The following ALS2 variants were observed in gnomAD, a reference collection of about 807,000 sequenced individuals.
ALS2 encodes the protein alsin Rho guanine nucleotide exchange factor ALS2.
A neutral mutation model predicts 203.4 loss-of-function variants in ALS2; 117 were observed. That is an observed-to-expected ratio of 0.58 (90% CI 0.50 to 0.67). The LOEUF (loss-of-function observed/expected upper bound fraction) is 0.67, where lower values mean the gene tolerates loss of function less well. Ranked by LOEUF, ALS2 falls within the 30% of genes least tolerant of loss-of-function variation. ALS2 has a pLI of 0.00. For synonymous variants in ALS2, 718 were observed against 725.9 expected, an observed-to-expected ratio of 0.99 and a Z score of 0.17; for missense variants, 1,715 against 1,989.4, an observed-to-expected ratio of 0.86 and a Z score of 2.62.
rs2105998254 is a variant in ALS2 at position 201,723,116 on chromosome 2, T to C, written c.3629A>G (p.Asn1210Ser). Reference sequence around the variant, plus strand: ...ATCATCTTCGGAAAGCAAAACCCCATTTCCCTACAAGAAGAAACAAGAGAA... The same window carrying C: ...ATCATCTTCGGAAAGCAAAACCCCACTTCCCTACAAGAAGAAACAAGAGAA... ...GNFHLNKMMG[N>S]GVLLSEDDTI... Residue 1210 changes from asparagine (N) to serine (S), a missense_variant, in exon 23 of 34, where the codon AAT (asparagine) becomes AGT (serine). Coordinates refer to ENST00000264276, the MANE Select transcript of ALS2 (RefSeq NM_020919.4). 6.2e-7 allele frequency: 1 copy of C among 1,612,332 alleles called. No individual in the cohort carries two copies. The highest frequency in any genetic ancestry group is 2.2e-5 in the East Asian group (1 of 44,846).
chr2:201,722,902 C>T (rs904737998), intron 23 of ALS2, 141 bp downstream of exon 23: 12 of 663,072 alleles, frequency 1.8e-5, no homozygotes, highest in Non-Finnish European at 3.1e-5. Flanking sequence ...GTGGTTTGTA[C>T]AGCCATGTTG....
At position 201,701,718 on chromosome 2, in the gene ALS2, T is replaced by C; in HGVS notation, c.*133A>G. On this transcript the variant is annotated 3_prime_UTR_variant, in exon 34 of 34. Coordinates refer to ENST00000264276, the MANE Select transcript of ALS2 (RefSeq NM_020919.4). ...TCAGGGCTCTTATTATTGGTAAGGC[T>C]CATTCTAACAACCTAAATAACACAA... 2 of 834,120 alleles carry C rather than the reference T, an allele frequency of 2.4e-6. No individual in the cohort carries two copies. The highest frequency in any genetic ancestry group is 4.0e-6 in the Non-Finnish European group (2 of 496,452). The allele number at this position is 834,120 out of a possible 1,614,324, so 51.7% of individuals were successfully genotyped here.
At chr2:201,758,761 T>TGC (rs1491560741) in intron 4 of ALS2, among the ~76,000 whole-genome samples, 227 of 43,278 alleles carry the variant, frequency 5.2e-3, no homozygotes, top group African/African-American at 0.016. Context: ...TGTGTGCGCA[T>TGC]GTGTGTGTGT....
chr2:201,757,995 G>A (rs1386943920), intron 4 of ALS2, among the ~76,000 whole-genome samples: 1 of 152,106 alleles, frequency 6.6e-6, no homozygotes, highest in African/African-American at 2.4e-5. Context: ...TTGTCTAGAT[G>A]TTGTGTTTTT....
intron 23 of ALS2, chr2:201,720,171 TAC>T: frequency 7.3e-6 from 3 of 409,508 alleles, no homozygotes; most frequent in Non-Finnish European, 1.4e-5. Context: ...AAAAGAAAAC[TAC>T]AGACCATTAC....
chr2:201,721,128 G>T (rs1690768635), intron 23 of ALS2, among the ~76,000 whole-genome samples: 1 of 152,192 alleles, frequency 6.6e-6, no homozygotes, highest in African/African-American at 2.4e-5. Flanking sequence ...TGCAAGATGT[G>T]TACACTGAAA....
intron 27 of ALS2, among the ~76,000 whole-genome samples, chr2:201,709,169 C>A (rs914341036): frequency 1.3e-5 from 2 of 152,210 alleles, no homozygotes; most frequent in African/African-American, 4.8e-5. Flanking sequence ...AAGATGCTTA[C>A]TGTCTCATTT....
At chr2:201,774,318 A>G (rs75399348) in intron 1 of ALS2, among the ~76,000 whole-genome samples, 1,653 of 152,262 alleles carry the variant, frequency 0.011, 24 homozygotes, top group African/African-American at 0.035. Flanking sequence ...ATAAGAAGAA[A>G]GGTCTACGTT....
intron 13 of ALS2, among the ~76,000 whole-genome samples, chr2:201,730,832 G>A (rs2106017479): frequency 6.6e-6 from 1 of 152,374 alleles, no homozygotes; most frequent in South Asian, 2.1e-4. Context: ...GAAGAACGCA[G>A]TGACTACTAG....
chr2:201,729,939 A>G (rs963748259), intron 13 of ALS2, among the ~76,000 whole-genome samples: 2 of 150,782 alleles, frequency 1.3e-5, no homozygotes, highest in Admixed American at 6.6e-5. Context: ...AATGGTCCAC[A>G]TTTTTTCAAA....
intron 1 of ALS2, among the ~76,000 whole-genome samples, chr2:201,771,853 T>G (rs1694397193): frequency 6.6e-6 from 1 of 152,242 alleles, no homozygotes; most frequent in South Asian, 2.1e-4. Flanking sequence ...CTGCTGCTTT[T>G]CTTCTGTTAC....
At position 201,768,955 on chromosome 2, in the gene ALS2, A is replaced by G; in HGVS notation, c.-60-10T>C. On this transcript the variant is annotated splice_polypyrimidine_tract_variant and intron_variant, in intron 1 of 33. Coordinates refer to ENST00000264276, the MANE Select transcript of ALS2 (RefSeq NM_020919.4). ...GAAAGTCTATCAAGACCTAAACAGT[A>G]CAAGTAAGGAAAAGAGCAGTAAAAG... is the stretch of plus-strand genomic sequence containing the variant. 6.9e-7 allele frequency: 1 copy of G among 1,454,882 alleles called. No homozygotes were observed. The highest frequency in any genetic ancestry group is 1.2e-5 in the South Asian group (1 of 83,618). The allele number at this position is 1,454,882 out of a possible 1,614,324, so 90.1% of individuals were successfully genotyped here.
At chr2:201,773,348 G>C (rs766895015) in intron 1 of ALS2, among the ~76,000 whole-genome samples, 15 of 152,126 alleles carry the variant, frequency 9.9e-5, no homozygotes, top group Non-Finnish European at 1.9e-4. Flanking sequence ...TGCCAATTTG[G>C]TGAAGAAGAG....
chr2:201,725,290 C>T (rs1249584355), intron 20 of ALS2, 66 bp downstream of exon 20: 5 of 1,380,306 alleles, frequency 3.6e-6, no homozygotes, highest in Non-Finnish European at 5.2e-6. Context: ...TTTGGCTATG[C>T]AAACATTCAG....
intron 11 of ALS2, among the ~76,000 whole-genome samples, chr2:201,740,142 T>C (rs540817081): frequency 2.3e-4 from 35 of 151,986 alleles, no homozygotes; most frequent in East Asian, 5.8e-4. Context: ...CTGGGCAACA[T>C]AGTGAGACCC....
chr2:201,763,215 T>A (rs1693862752), intron 3 of ALS2: 1 of 196,752 alleles, frequency 5.1e-6, no homozygotes, highest in Non-Finnish European at 1.0e-5. Flanking sequence ...GGGAACAAGA[T>A]CAGCAAGCAC....
chr2:201,759,871 A>G, intron 4 of ALS2: 1 of 985,356 alleles, frequency 1.0e-6, no homozygotes, highest in Non-Finnish European at 1.2e-6. Context: ...CAGTTTTGGT[A>G]AAGCAAAATC....
At chr2:201,711,223 G>T in intron 25 of ALS2, 115 bp from the exon 26 acceptor site, 1 of 715,658 alleles carries the variant, frequency 1.4e-6, no homozygotes, top group Non-Finnish European at 2.5e-6. Context: ...ATCCAACGTA[G>T]TACTAAACCC....
rs373365981 is a variant in ALS2, at chr2:201,755,266, CTTTT to C, written c.1472-599_1472-596del. On this transcript the variant is annotated intron_variant, in intron 5 of 33. Coordinates refer to ENST00000264276, the MANE Select transcript of ALS2 (RefSeq NM_020919.4). ...TGGGCAACATAGCAAGACACTGTCT[CTTTT>C]TTTTTTCTTGAGACGGAGTTTCGCT... Among the ~76,000 whole-genome samples, 1,245 of 149,644 alleles carry C rather than the reference CTTTT, an allele frequency of 8.3e-3. 12 individuals carry two copies. Among genetic ancestry groups the C allele is most frequent in the Middle Eastern group, 0.031 (9 of 292 alleles).
Sources: allele counts gnomAD v4.1 joint callset (sites outside exome capture counted in the v4.1 genomes callset), GRCh38; gene constraint gnomAD v4.1.1; transcripts MANE v1.5; gene names NCBI Gene and HGNC (gene_info 2026-07-23, HGNC 2026-07-21).